Variants in LRRC69 observed in about 807,000 individuals in gnomAD.
The protein encoded by LRRC69 is leucine rich repeat containing 69, also known as leucine-rich repeat-containing protein 69.
A neutral mutation model predicts 37.8 loss-of-function variants in LRRC69; 42 were observed. The ratio of observed to expected loss-of-function variants is 1.11; its 90% CI spans 0.87 to 1.44. The LOEUF (loss-of-function observed/expected upper bound fraction) is 1.44. Among genes scored for constraint, LRRC69 ranks in the 40% most tolerant of loss-of-function variants. LRRC69 has a pLI of 0.00. For synonymous variants in LRRC69, 141 were observed against 143.1 expected (o/e 0.99, Z 0.11); for missense variants, 357 against 401.9 (o/e 0.89, Z 0.96).
At chr8:91,207,164 A>G (rs1168998488) in intron 7 of LRRC69, among the ~76,000 whole-genome samples, 1 of 152,190 alleles carries the variant, frequency 6.6e-6, no homozygotes, top group Non-Finnish European at 1.5e-5. Flanking sequence ...AAGGATTGGA[A>G]TCTGACAAGT....
At chr8:91,192,579 C>T (rs1196456206) in intron 6 of LRRC69, among the ~76,000 whole-genome samples, 1 of 151,774 alleles carries the variant, frequency 6.6e-6, no homozygotes, top group African/African-American at 2.4e-5. Context: ...TTTTGATTTG[C>T]ATTTCTCTGA....
rs142307487 is a variant in LRRC69 at position 91,183,651 on chromosome 8, G to A, written c.652-5871G>A. Among the ~76,000 whole-genome samples, 72 of 152,296 alleles carry A rather than the reference G, an allele frequency of 4.7e-4. 1 individual carries two copies. The East Asian group carries it at 0.013, about 28-fold the overall frequency. On this transcript the variant is annotated intron_variant, in intron 5 of 7. Transcript: ENST00000448384. ...GAAGAAGATAAAGTGCAAAGAGAAT[G>A]TAGTGGGCTCTGGGGAGCACTATTT...
rs912709634 is a variant in LRRC69 at position 91,148,158 on chromosome 8, T to C, written c.651+12419T>C. 3.4e-4 allele frequency among the ~76,000 whole-genome samples: 51 copies of C among 152,004 alleles called. No individual in the cohort carries two copies. The Middle Eastern group carries it at 0.01, about 30-fold the overall frequency. On this transcript the variant is annotated intron_variant, in intron 5 of 7. Coordinates refer to ENST00000448384, the Ensembl canonical transcript of LRRC69. ...CAGGTTAGTTACATATGTATACATG[T>C]GCCATGTTGGTGTGCTGCACCCATT...
At chr8:91,105,623 C>T (rs1373027720) in intron 1 of LRRC69, among the ~76,000 whole-genome samples, 2 of 143,770 alleles carry the variant, frequency 1.4e-5, no homozygotes, top group Non-Finnish European at 3.0e-5. Flanking sequence ...GATTGCACCA[C>T]TGCACTCCAG....
At chr8:91,165,359 G>T (rs1417591735) in intron 5 of LRRC69, among the ~76,000 whole-genome samples, 1 of 151,748 alleles carries the variant, frequency 6.6e-6, no homozygotes, top group Non-Finnish European at 1.5e-5. Flanking sequence ...ACTTAGCTGT[G>T]CAGGGGATGC....
chr8:91,106,107 G>A (rs1813307294), intron 1 of LRRC69, among the ~76,000 whole-genome samples: 1 of 151,992 alleles, frequency 6.6e-6, no homozygotes, highest in African/African-American at 2.4e-5. Flanking sequence ...TTGGTGATGT[G>A]TATGTCAAAA....
chr8:91,143,020 A>G (rs540080329), intron 5 of LRRC69, among the ~76,000 whole-genome samples: 3 of 152,208 alleles, frequency 2.0e-5, no homozygotes, highest in East Asian at 3.9e-4. Flanking sequence ...GAATGCCTAT[A>G]TAGTTGGAGG....
chr8:91,191,995 C>A (rs898578436), intron 6 of LRRC69, among the ~76,000 whole-genome samples: 2 of 113,022 alleles, frequency 1.8e-5, no homozygotes, highest in Admixed American at 2.1e-4. Flanking sequence ...TCCCTCCCCC[C>A]TCCCCCCACC....
intron 6 of LRRC69, among the ~76,000 whole-genome samples, chr8:91,197,500 G>A (rs1422537238): frequency 6.6e-6 from 1 of 152,102 alleles, no homozygotes; most frequent in Non-Finnish European, 1.5e-5. Context: ...GCGAGACTCC[G>A]TGGGCGTAGG....
chr8:91,194,776 G>T (rs1809565880), intron 6 of LRRC69, among the ~76,000 whole-genome samples: 1 of 151,716 alleles, frequency 6.6e-6, no homozygotes, highest in Non-Finnish European at 1.5e-5. Context: ...CTATTTTGTT[G>T]ATCCTTTCAA....
At chr8:91,198,901 G>T (rs924412121) in intron 6 of LRRC69, among the ~76,000 whole-genome samples, 4 of 151,968 alleles carry the variant, frequency 2.6e-5, no homozygotes, top group Admixed American at 6.6e-5. Flanking sequence ...TATTTTAATG[G>T]TGTATGCTAT....
chr8:91,192,402 A>G, intron 6 of LRRC69, among the ~76,000 whole-genome samples: 1 of 151,866 alleles, frequency 6.6e-6, no homozygotes, highest in Non-Finnish European at 1.5e-5. Flanking sequence ...CTAGTTCTAG[A>G]TCCCTGAGGA....
chr8:91,208,969 G>C (rs1367897780), intron 7 of LRRC69, among the ~76,000 whole-genome samples: 1 of 152,078 alleles, frequency 6.6e-6, no homozygotes. Flanking sequence ...AGAAAATTTT[G>C]GCTGCTCTCT....
intron 5 of LRRC69, among the ~76,000 whole-genome samples, chr8:91,176,950 T>A (rs866388844): frequency 3.3e-5 from 5 of 152,180 alleles, no homozygotes; most frequent in Middle Eastern, 3.2e-3. Context: ...TTACAGTAAA[T>A]AAGTTTAAAT....
intron 1 of LRRC69, among the ~76,000 whole-genome samples, chr8:91,116,065 G>A (rs1333762992): frequency 6.6e-6 from 1 of 151,972 alleles, no homozygotes; most frequent in African/African-American, 2.4e-5. Flanking sequence ...GAAAAAATGA[G>A]TTAGAAATTA....
At chr8:91,165,395 C>A (rs1272247865) in intron 5 of LRRC69, among the ~76,000 whole-genome samples, 1 of 151,766 alleles carries the variant, frequency 6.6e-6, no homozygotes, top group Non-Finnish European at 1.5e-5. Context: ...CAAAGGGTGA[C>A]ACACTAGGTG....
At chr8:91,166,054 A>G (rs1809022823) in intron 5 of LRRC69, among the ~76,000 whole-genome samples, 1 of 151,818 alleles carries the variant, frequency 6.6e-6, no homozygotes, top group Admixed American at 6.6e-5. Context: ...CATGCACTGC[A>G]TATGAATTCC....
intron 7 of LRRC69, chr8:91,206,600 T>A: frequency 9.0e-7 from 1 of 1,105,378 alleles, no homozygotes; most frequent in South Asian, 1.4e-5. Context: ...TCTGAACACC[T>A]TAGACAAGTT....
At chr8:91,167,683 A>G (rs530118549) in intron 5 of LRRC69, among the ~76,000 whole-genome samples, 1 of 152,006 alleles carries the variant, frequency 6.6e-6, no homozygotes, top group South Asian at 2.1e-4. Flanking sequence ...AAATACTCCC[A>G]CCATGGCCTG....
Sources: allele counts gnomAD v4.1 joint callset (sites outside exome capture counted in the v4.1 genomes callset), GRCh38; gene constraint gnomAD v4.1.1; transcripts MANE v1.5; gene names NCBI Gene and HGNC (gene_info 2026-07-23, HGNC 2026-07-21).